SNAP91: variants seen among roughly 807,000 people sequenced by gnomAD.
SNAP91 encodes the protein synaptosome associated protein 91.
SNAP91 carries 27 observed loss-of-function variants against 100.3 expected under a neutral mutation model. The observed-to-expected ratio is 0.27, with a 90% CI of 0.20 to 0.37. SNAP91 has a LOEUF of 0.37. SNAP91 is among the 10% of genes least tolerant of loss of function. The probability of loss-of-function intolerance (pLI) is 1.00; values close to 1 mark genes in which losing one functional copy is unlikely to be tolerated. For missense variants in SNAP91, 986 were observed against 1,123.7 expected (o/e 0.88, Z 1.75); for synonymous variants, 404 against 398.6 (o/e 1.01, Z -0.16).
intron 22 of SNAP91, among the ~76,000 whole-genome samples, chr6:83,583,191 A>AC (rs1830864450): frequency 2.0e-5 from 3 of 151,856 alleles, no homozygotes; most frequent in Admixed American, 2.0e-4. Flanking sequence ...TACCAGCTGC[A>AC]CCCCACCCAC....
chr6:83,591,822 A>G (rs554251835), intron 21 of SNAP91, among the ~76,000 whole-genome samples: 1 of 152,310 alleles, frequency 6.6e-6, no homozygotes, highest in South Asian at 2.1e-4. Flanking sequence ...GCTTCAATGT[A>G]CAGGAGGTAC....
chr6:83,602,856 A>G (rs1205875523), intron 14 of SNAP91, among the ~76,000 whole-genome samples: 2 of 152,034 alleles, frequency 1.3e-5, no homozygotes, highest in African/African-American at 4.8e-5. Flanking sequence ...GGGCAAGGAG[A>G]AGGACAGCAT....
intron 26 of SNAP91, among the ~76,000 whole-genome samples, chr6:83,564,878 CAAGT>C (rs1794438875): frequency 6.6e-6 from 1 of 151,460 alleles, no homozygotes. Flanking sequence ...ACCAAAAGCA[CAAGT>C]AATAAAAGAA....
At position 83,566,407 on chromosome 6, in the gene SNAP91, T is replaced by C. The variant is rs60779540; in HGVS notation, c.2443-5460A>G. 2.3e-3 allele frequency among the ~76,000 whole-genome samples: 343 copies of C among 152,312 alleles called. 1 individual carries two copies. The highest frequency in any genetic ancestry group is 7.7e-3 in the African/African-American group (319 of 41,572). On this transcript the variant is annotated intron_variant, in intron 26 of 29. Coordinates refer to ENST00000369694, the MANE Select transcript of SNAP91 (RefSeq NM_001242792.2). The stretch of plus-strand genomic sequence containing the variant: ...CAAAAGAAAGAAAATACCTATAAAA[T>C]TATATTTCATATTAATGCTTTACCC...
chr6:83,635,990 A>G (rs1168152556), intron 8 of SNAP91, among the ~76,000 whole-genome samples: 1 of 152,206 alleles, frequency 6.6e-6, no homozygotes, highest in Non-Finnish European at 1.5e-5. Flanking sequence ...GAATACTAAA[A>G]ATAGGCTACA....
At chr6:83,704,705 C>A (rs1419236580) in intron 2 of SNAP91, among the ~76,000 whole-genome samples, 1 of 151,378 alleles carries the variant, frequency 6.6e-6, no homozygotes, top group Non-Finnish European at 1.5e-5. Context: ...AAAAAAATGA[C>A]AGGACCATAA....
chr6:83,638,780 T>C (rs1341967493), intron 8 of SNAP91, among the ~76,000 whole-genome samples: 1 of 152,184 alleles, frequency 6.6e-6, no homozygotes, highest in Admixed American at 6.5e-5. Flanking sequence ...ACAATATCAT[T>C]AGAGGATTAA....
At chr6:83,619,112 AC>A (rs1040585515) in intron 9 of SNAP91, among the ~76,000 whole-genome samples, 8 of 120,598 alleles carry the variant, frequency 6.6e-5, no homozygotes, top group Admixed American at 2.5e-4. Flanking sequence ...AGTAGAAGTC[AC>A]AAAAAAAAAA....
intron 7 of SNAP91, among the ~76,000 whole-genome samples, chr6:83,654,986 G>A (rs2098355114): frequency 6.6e-6 from 1 of 152,124 alleles, no homozygotes. Context: ...TCTTATTTCA[G>A]GGATATCAAC....
At chr6:83,569,156 C>T (rs1802131774) in intron 26 of SNAP91, among the ~76,000 whole-genome samples, 1 of 151,916 alleles carries the variant, frequency 6.6e-6, no homozygotes, top group Admixed American at 6.6e-5. Context: ...ATAAGAGAGC[C>T]TGTATATTGT....
intron 8 of SNAP91, among the ~76,000 whole-genome samples, chr6:83,637,867 G>A (rs2097528696): frequency 6.6e-6 from 1 of 152,192 alleles, no homozygotes; most frequent in South Asian, 2.1e-4. Context: ...GAGTCCCAGG[G>A]AGTTGAAACC....
Position 83,591,268 on chromosome 6 carries a change from G to T in SNAP91, c.1957C>A (p.Pro653Thr). 6.2e-7 allele frequency: 1 copy of T among 1,612,764 alleles called. No homozygotes were observed. The highest frequency in any genetic ancestry group is 8.5e-7 in the Non-Finnish European group (1 of 1,178,920). ...GDAFGSSASE[P>T]QPASQAASSS... ...GAAGCAGCCTGAGATGCAGGTTGGGGTTCAGAAGCACTACTTCCAAATGCA... is the reference window on the plus strand; with the variant it reads ...GAAGCAGCCTGAGATGCAGGTTGGGTTTCAGAAGCACTACTTCCAAATGCA... The change falls in exon 22 of 30, where the codon CCC becomes ACC. Residue 653 changes from proline to threonine, a missense_variant. By Grantham distance (38) the Pro-to-Thr change is conservative. Coordinates refer to ENST00000369694, the MANE Select transcript of SNAP91 (RefSeq NM_001242792.2).
At chr6:83,664,247 A>G (rs2098630983) in intron 3 of SNAP91, among the ~76,000 whole-genome samples, 1 of 152,124 alleles carries the variant, frequency 6.6e-6, no homozygotes, top group African/African-American at 2.4e-5. Flanking sequence ...TCAAGGAGTA[A>G]TTTTTACTTT....
At chr6:83,649,000 A>G (rs1267031202) in intron 7 of SNAP91, among the ~76,000 whole-genome samples, 1 of 152,200 alleles carries the variant, frequency 6.6e-6, no homozygotes, top group Non-Finnish European at 1.5e-5. Flanking sequence ...TAATTAAGAA[A>G]TCTTTGCCTA....
intron 2 of SNAP91, among the ~76,000 whole-genome samples, chr6:83,704,006 C>T (rs1278972110): frequency 1.3e-5 from 2 of 152,130 alleles, no homozygotes; most frequent in African/African-American, 4.8e-5. Flanking sequence ...TTTGGACCAA[C>T]TCTATTTTAT....
At chr6:83,634,167 T>C (rs949299411) in intron 8 of SNAP91, among the ~76,000 whole-genome samples, 6 of 152,190 alleles carry the variant, frequency 3.9e-5, no homozygotes, top group Non-Finnish European at 8.8e-5. Context: ...CTGTGGCCTT[T>C]TCCCAGTGCC....
intron 14 of SNAP91, among the ~76,000 whole-genome samples, chr6:83,605,346 C>T (rs1388681725): frequency 6.6e-6 from 1 of 152,036 alleles, no homozygotes; most frequent in Non-Finnish European, 1.5e-5. Flanking sequence ...ATACTCAATC[C>T]TCAAGGCCTG....
At chr6:83,690,745 G>A (rs1248263312) in intron 2 of SNAP91, among the ~76,000 whole-genome samples, 1 of 151,914 alleles carries the variant, frequency 6.6e-6, no homozygotes, top group Non-Finnish European at 1.5e-5. Flanking sequence ...AATGAGATGG[G>A]CAGTATTAGA....
chr6:83,696,346 T>C (rs1301855923), intron 2 of SNAP91, among the ~76,000 whole-genome samples: 1 of 152,172 alleles, frequency 6.6e-6, no homozygotes, highest in Non-Finnish European at 1.5e-5. Flanking sequence ...AGGGCACCTA[T>C]TCAAGATAGG....
Sources: allele counts gnomAD v4.1 joint callset (sites outside exome capture counted in the v4.1 genomes callset), GRCh38; gene constraint gnomAD v4.1.1; transcripts MANE v1.5; gene names NCBI Gene and HGNC (gene_info 2026-07-23, HGNC 2026-07-21).